The following DLEU7 variants were observed in gnomAD, a reference collection of about 807,000 sequenced individuals.
DLEU7 encodes leukemia-associated protein 7.
In DLEU7, 17 loss-of-function variants were observed where a neutral mutation model predicts 16.0. The ratio of observed to expected loss-of-function variants is 1.06; its 90% CI spans 0.73 to 1.59. DLEU7 has a LOEUF of 1.59. Among genes scored for constraint, DLEU7 ranks in the 40% most tolerant of loss-of-function variants. The pLI, the probability that DLEU7 is intolerant of heterozygous loss-of-function variation, is 0.00. For synonymous variants in DLEU7, 113 were observed against 139.8 expected, an observed-to-expected ratio of 0.81 and a Z score of 1.35; for missense variants, 308 against 314.9, an observed-to-expected ratio of 0.98 and a Z score of 0.17.
At chr13:50,723,488 G>C (rs1044776325) in intron 1 of DLEU7, among the ~76,000 whole-genome samples, 2 of 151,876 alleles carry the variant, frequency 1.3e-5, no homozygotes, top group Admixed American at 6.6e-5. Flanking sequence ...ACCATAGGCG[G>C]GGTGGCTTAA....
At chr13:50,738,730 C>G (rs1874154854) in intron 1 of DLEU7, among the ~76,000 whole-genome samples, 1 of 152,080 alleles carries the variant, frequency 6.6e-6, no homozygotes, top group African/African-American at 2.4e-5. Context: ...ATTTGTGATA[C>G]AAGATGAATA....
At chr13:50,817,995 A>T (rs140677025), downstream of DLEU7, among the ~76,000 whole-genome samples, 7 of 152,284 alleles carry the variant, frequency 4.6e-5, no homozygotes, top group South Asian at 2.1e-4. Context: ...TTATTCTATA[A>T]GAAAATGTGT....
At chr13:50,734,199 C>A (rs1238819253) in intron 1 of DLEU7, among the ~76,000 whole-genome samples, 1 of 152,166 alleles carries the variant, frequency 6.6e-6, no homozygotes, top group Non-Finnish European at 1.5e-5. Flanking sequence ...CACTCTATAT[C>A]TTTTGAGAAC....
chr13:50,816,083 C>T (rs1431972626), intron 1 of DLEU7, among the ~76,000 whole-genome samples: 1 of 152,088 alleles, frequency 6.6e-6, no homozygotes, highest in Non-Finnish European at 1.5e-5. Flanking sequence ...CTCATCTCAG[C>T]CCCTCTCTGT....
At chr13:50,725,084 C>T (rs1462827907) in intron 1 of DLEU7, among the ~76,000 whole-genome samples, 1 of 107,912 alleles carries the variant, frequency 9.3e-6, no homozygotes, top group East Asian at 2.7e-4. Context: ...AGTTAGTTGA[C>T]ACAATGCCCA....
At chr13:50,727,565 T>TC (rs1450022713) in intron 1 of DLEU7, among the ~76,000 whole-genome samples, 1 of 152,112 alleles carries the variant, frequency 6.6e-6, no homozygotes, top group Non-Finnish European at 1.5e-5. Context: ...GAAGGGCTGC[T>TC]CCCATCATTC....
chr13:50,796,907 A>G (rs1286148195), intron 1 of DLEU7, among the ~76,000 whole-genome samples: 4 of 152,154 alleles, frequency 2.6e-5, no homozygotes, highest in Non-Finnish European at 5.9e-5. Context: ...GTTGTGAGCA[A>G]GAAGTAGAAT....
chr13:50,785,166 A>C (rs1317090951), intron 1 of DLEU7, among the ~76,000 whole-genome samples: 2 of 152,166 alleles, frequency 1.3e-5, no homozygotes, highest in Admixed American at 1.3e-4. Context: ...GTGACATCAA[A>C]TCATTTGGAG....
intron 1 of DLEU7, among the ~76,000 whole-genome samples, chr13:50,718,246 A>C (rs534209652): frequency 6.6e-6 from 1 of 152,366 alleles, no homozygotes; most frequent in Non-Finnish European, 1.5e-5. Flanking sequence ...TTCCTTGAGA[A>C]TAAATAATTA....
Position 50,843,681 on chromosome 13 carries a change from A to T in DLEU7, c.-35T>A, listed in dbSNP as rs1401642353. 2.7e-6 allele frequency: 4 copies of T among 1,496,040 alleles called. No homozygotes were observed. The Admixed American group carries it at 9.0e-5, about 34-fold the overall frequency. 92.7% of individuals were successfully genotyped at this position (1,496,040 alleles called of 1,614,324 possible). On this transcript the variant is annotated 5_prime_UTR_variant, in exon 1 of 2. Transcript: ENST00000504404. The surrounding 1 kb of genome is among the most constrained non-coding windows in gnomAD (Gnocchi z 5.7). ...TGGCGGCCCGGCGCGCTCCGCGTGC[A>T]GGTGGAGCAGCAGCGAGGGAGGCGG...
At chr13:50,782,063 C>T (rs756634596) in intron 1 of DLEU7, among the ~76,000 whole-genome samples, 1 of 152,122 alleles carries the variant, frequency 6.6e-6, no homozygotes, top group African/African-American at 2.4e-5. Flanking sequence ...TTCCCCCATA[C>T]CCCCAAAAAA....
intron 1 of DLEU7, among the ~76,000 whole-genome samples, chr13:50,743,825 G>A (rs950075301): frequency 7.9e-5 from 12 of 152,128 alleles, no homozygotes; most frequent in Admixed American, 3.3e-4. Context: ...CTCTGCTGGG[G>A]TTACAAAAAT....
intron 1 of DLEU7, among the ~76,000 whole-genome samples, chr13:50,752,682 A>G (rs928655654): frequency 6.6e-6 from 1 of 151,076 alleles, no homozygotes; most frequent in African/African-American, 2.4e-5. Context: ...GGAGTTGTTC[A>G]TTCCTGCCAG....
chr13:50,758,391 T>C (rs998176094), intron 1 of DLEU7, among the ~76,000 whole-genome samples: 1 of 115,224 alleles, frequency 8.7e-6, no homozygotes, highest in East Asian at 2.1e-4. Flanking sequence ...GTATTAGTTA[T>C]CCACTGCTGC....
chr13:50,811,226 A>T (rs989912337), intron 1 of DLEU7, among the ~76,000 whole-genome samples: 6 of 152,172 alleles, frequency 3.9e-5, no homozygotes, highest in African/African-American at 1.4e-4. Flanking sequence ...ATCTAACCAG[A>T]AAAGGGAAGT....
chr13:50,754,397 T>C (rs1874688213), intron 1 of DLEU7, among the ~76,000 whole-genome samples: 1 of 152,234 alleles, frequency 6.6e-6, no homozygotes, highest in Admixed American at 6.5e-5. Flanking sequence ...ATTTTCCTGT[T>C]GGACAAGGCC....
chr13:50,837,545 C>T (rs1195291583), intron 1 of DLEU7, among the ~76,000 whole-genome samples: 1 of 152,120 alleles, frequency 6.6e-6, no homozygotes, highest in African/African-American at 2.4e-5. Flanking sequence ...ATCACTGCAC[C>T]TTTTTTCTAA....
intron 1 of DLEU7, among the ~76,000 whole-genome samples, chr13:50,756,747 G>A (rs1472409115): frequency 6.6e-6 from 1 of 152,124 alleles, no homozygotes; most frequent in Admixed American, 6.5e-5. Flanking sequence ...TTCTTTCTGG[G>A]TTCAAATTTT....
chr13:50,819,128 G>A (rs1234851485), downstream of DLEU7, among the ~76,000 whole-genome samples: 1 of 152,176 alleles, frequency 6.6e-6, no homozygotes, highest in Non-Finnish European at 1.5e-5. Flanking sequence ...ACAAAGCAGG[G>A]AATAGGGATA....
Sources: gnomAD v4.1 joint callset for allele counts (sites outside exome capture counted in the v4.1 genomes callset) on GRCh38, gnomAD v4.1.1 for gene constraint, Gnocchi (gnomAD v3.1) non-coding constraint, MANE v1.5 for transcripts, NCBI Gene and HGNC (gene_info 2026-07-23, HGNC 2026-07-21) for gene names.